The following LRRC37A variants were observed in gnomAD, a reference collection of about 807,000 sequenced individuals.
LRRC37A encodes the protein leucine rich repeat containing 37A.
Under a neutral mutation model 35.4 loss-of-function variants are expected in LRRC37A, and 3 were observed. The observed-to-expected ratio is 0.08, with a 90% CI of 0.04 to 0.22. The LOEUF (loss-of-function observed/expected upper bound fraction) is 0.22. Ranked by LOEUF, LRRC37A falls within the 10% of genes least tolerant of loss-of-function variation. The probability of loss-of-function intolerance (pLI) is 1.00; values close to 1 mark genes in which losing one functional copy is unlikely to be tolerated. For synonymous variants in LRRC37A, 23 were observed against 215.0 expected (o/e 0.11, Z 7.81); for missense variants, 67 against 565.3 (o/e 0.12, Z 8.94).
At chr17:46,260,477 C>A in the LRRC37A span, 3 of 1,590,262 alleles carry the variant, frequency 1.9e-6, no homozygotes, top group African/African-American at 2.7e-5. Flanking sequence ...GCCCACCCAG[C>A]CTGGGGGTGG....
At chr17:46,267,186 C>T in the LRRC37A span, 91,594 of 587,072 alleles carry the variant, frequency 0.16, 21 homozygotes, top group Non-Finnish European at 0.2. Flanking sequence ...GCCCCGCGAG[C>T]CTTTCCGAGT....
the LRRC37A span, among the ~76,000 whole-genome samples, chr17:46,251,771 G>A: frequency 1.3e-5 from 2 of 149,204 alleles, no homozygotes; most frequent in African/African-American, 4.9e-5. Flanking sequence ...CAGTTTCAGG[G>A]GCAAAATAAG....
chr17:46,291,985 A>AAAAAAAAAAAAAC (rs1360524355), upstream of LRRC37A, among the ~76,000 whole-genome samples: 19 of 76,654 alleles, frequency 2.5e-4, 2 homozygotes, highest in Non-Finnish European at 3.9e-4. Context: ...AAAAAAAAAA[A>AAAAAAAAAAAAAC]AAGCCAATAA....
At chr17:46,291,985 A>ACAAAAAAAAC (rs1555613423), upstream of LRRC37A, among the ~76,000 whole-genome samples, 1 of 76,592 alleles carries the variant, frequency 1.3e-5, no homozygotes, top group Non-Finnish European at 2.8e-5. Flanking sequence ...AAAAAAAAAA[A>ACAAAAAAAAC]AAGCCAATAA....
chr17:46,248,170 T>C, the LRRC37A span, among the ~76,000 whole-genome samples: 2 of 151,896 alleles, frequency 1.3e-5, no homozygotes, highest in African/African-American at 4.9e-5. Context: ...GTAAGTTATT[T>C]TTTTCTTAGA....
chr17:46,250,256 G>C, the LRRC37A span, among the ~76,000 whole-genome samples: 2 of 152,204 alleles, frequency 1.3e-5, no homozygotes, highest in Admixed American at 6.5e-5. Flanking sequence ...CATCGTCCTC[G>C]GGCCACTGGC....
At chr17:46,304,933 A>G (rs2050471756) in intron 3 of LRRC37A, among the ~76,000 whole-genome samples, 1 of 67,396 alleles carries the variant, frequency 1.5e-5, no homozygotes, top group East Asian at 2.8e-4. Flanking sequence ...CAGTGGTGCG[A>G]TCTCGGCTCA....
chr17:46,285,399 C>T, the LRRC37A span, among the ~76,000 whole-genome samples: 3 of 151,986 alleles, frequency 2.0e-5, no homozygotes, highest in African/African-American at 7.3e-5. Flanking sequence ...CGCCACCACA[C>T]CCGACTAGTT....
the LRRC37A span, among the ~76,000 whole-genome samples, chr17:46,270,008 A>AT: frequency 1.3e-5 from 2 of 152,240 alleles, no homozygotes; most frequent in Admixed American, 1.3e-4. Flanking sequence ...TTAAATATTG[A>AT]TTTTATACCT....
the LRRC37A span, among the ~76,000 whole-genome samples, chr17:46,281,194 G>A: frequency 2.0e-5 from 3 of 152,204 alleles, no homozygotes; most frequent in East Asian, 3.9e-4. Context: ...TTGTCCACCT[G>A]GCTTATAATG....
At chr17:46,250,143 T>C in the LRRC37A span, among the ~76,000 whole-genome samples, 1 of 152,118 alleles carries the variant, frequency 6.6e-6, no homozygotes, top group Non-Finnish European at 1.5e-5. Context: ...GTTGGCCAGG[T>C]TGGTCTCAAA....
At chr17:46,283,944 A>G in the LRRC37A span, among the ~76,000 whole-genome samples, 1 of 152,250 alleles carries the variant, frequency 6.6e-6, no homozygotes, top group African/African-American at 2.4e-5. Context: ...ATACACATAA[A>G]CATCTCAATG....
chr17:46,275,739 A>T, the LRRC37A span, among the ~76,000 whole-genome samples: 1 of 152,224 alleles, frequency 6.6e-6, no homozygotes, highest in East Asian at 1.9e-4. Context: ...TTGTGGTGAA[A>T]GGTGCGTGTG....
the LRRC37A span, among the ~76,000 whole-genome samples, chr17:46,250,024 T>C: frequency 6.6e-6 from 1 of 152,242 alleles, no homozygotes; most frequent in African/African-American, 2.4e-5. Context: ...CTCAAACTCC[T>C]GACCCCAGGC....
At chr17:46,274,788 T>C in the LRRC37A span, 1 of 115,638 alleles carries the variant, frequency 8.6e-6, no homozygotes, top group East Asian at 1.9e-4. Context: ...TTTTTCTTTT[T>C]TTTTTTTAAT....
At chr17:46,264,315 A>G in the LRRC37A span, among the ~76,000 whole-genome samples, 1 of 152,364 alleles carries the variant, frequency 6.6e-6, no homozygotes, top group South Asian at 2.1e-4. Context: ...AATATTTGCT[A>G]AGCAGAAACA....
chr17:46,254,604 C>T, the LRRC37A span, among the ~76,000 whole-genome samples: 3 of 150,622 alleles, frequency 2.0e-5, no homozygotes, highest in Non-Finnish European at 3.0e-5. Flanking sequence ...TGCAGTGGCG[C>T]GGTCTTGGCT....
chr17:46,265,763 C>T, the LRRC37A span, among the ~76,000 whole-genome samples: 2 of 152,238 alleles, frequency 1.3e-5, no homozygotes, highest in African/African-American at 4.8e-5. Flanking sequence ...CAAGCACGAG[C>T]CACCATGCCC....
In LRRC37A at chr17:46,308,041, T is replaced by A; in HGVS notation, c.2906+1732T>A. 2.7e-5 allele frequency among the ~76,000 whole-genome samples: 2 copies of A among 72,972 alleles called. 1 individual carries two copies. The highest frequency in any genetic ancestry group is 5.2e-4 in the East Asian group (2 of 3,868). The allele number at this position is 72,972 out of a possible 152,430, so 47.9% of individuals were successfully genotyped here. A position where few individuals can be genotyped will look rare whatever the true frequency, so the allele number is the denominator to read the frequency against. On this transcript the variant is annotated intron_variant, in intron 5 of 13. Transcript: ENST00000320254. The stretch of plus-strand genomic sequence containing the variant: ...AATAATAATAATATAATAATAATAA[T>A]CATCATCATCATCTAGCCAGCTTCA...
Sources: gnomAD v4.1 joint callset for allele counts (sites outside exome capture counted in the v4.1 genomes callset) on GRCh38, gnomAD v4.1.1 for gene constraint, MANE v1.5 for transcripts, NCBI Gene and HGNC (gene_info 2026-07-23, HGNC 2026-07-21) for gene names.